The following ACIN1 variants were observed in gnomAD, a reference collection of about 807,000 sequenced individuals.
The protein encoded by ACIN1 is apoptotic chromatin condensation inducer 1, also known as apoptotic chromatin condensation inducer in the nucleus.
Under a neutral mutation model 146.6 loss-of-function variants are expected in ACIN1, and 16 were observed. That is an observed-to-expected ratio of 0.11 (90% CI 0.07 to 0.17). The LOEUF (loss-of-function observed/expected upper bound fraction) is 0.17. ACIN1 is among the 10% of genes least tolerant of loss of function. The pLI, the probability that ACIN1 is intolerant of heterozygous loss-of-function variation, is 1.00. For synonymous variants in ACIN1, 569 were observed against 582.7 expected, an observed-to-expected ratio of 0.98 and a Z score of 0.34; for missense variants, 1,357 against 1,609.3, an observed-to-expected ratio of 0.84 and a Z score of 2.68.
At chr14:23,064,279 C>T (rs1306744268) in intron 11 of ACIN1, 22 bp from the exon 12 acceptor site, 1 of 1,614,002 alleles carries the variant, frequency 6.2e-7, no homozygotes, top group Non-Finnish European at 8.5e-7. Flanking sequence ...ATACCCCCCA[C>T]CCCGTTACAC....
chr14:23,060,904 T>C (rs1192735170), intron 18 of ACIN1, among the ~76,000 whole-genome samples, 180 bp downstream of exon 18: 2 of 152,256 alleles, frequency 1.3e-5, no homozygotes, highest in Admixed American at 6.5e-5. Context: ...TTTACCCTCC[T>C]GAGTCTGGTT....
intron 9 of ACIN1, 170 bp downstream of exon 9, chr14:23,069,306 T>A: frequency 7.6e-7 from 1 of 1,312,730 alleles, no homozygotes; most frequent in South Asian, 2.3e-5. Context: ...TCACAAGGGG[T>A]CTCCCTTGCT....
At chr14:23,063,132 C>T in intron 13 of ACIN1, 58 bp from the exon 14 acceptor site, 1 of 1,514,516 alleles carries the variant, frequency 6.6e-7, no homozygotes, top group Non-Finnish European at 8.9e-7. Context: ...CTCTTTTCAC[C>T]CTCAATGTAA....
At chr14:23,072,275 TAG>T (rs1214291598) in intron 8 of ACIN1, among the ~76,000 whole-genome samples, 3 of 152,150 alleles carry the variant, frequency 2.0e-5, no homozygotes, top group African/African-American at 4.8e-5. Context: ...CTTTGTTTTA[TAG>T]AGTCTTTAAT....
intron 4 of ACIN1, among the ~76,000 whole-genome samples, chr14:23,083,609 G>A (rs1450650992): frequency 6.6e-6 from 1 of 152,130 alleles, no homozygotes; most frequent in Non-Finnish European, 1.5e-5. Flanking sequence ...GCAGGTGCCT[G>A]TAGTCCCAGC....
rs773612460 is a variant in ACIN1, at chr14:23,079,985, T to C, written c.1350A>G (p.Thr450=). The change falls in exon 6 of 19, where the codon ACA becomes ACG. Residue 450 remains threonine (T), a synonymous_variant. Transcript: ENST00000605057. ...ESVLPLVQKS[T]LADYSAQKDL... is the part of the protein sequence containing the mutation. ...CCTTCTGGGCTGAGTAGTCAGCCAGTGTGCTTTTCTGAACCAGAGGCAGGA... is the reference window on the plus strand; with the variant it reads ...CCTTCTGGGCTGAGTAGTCAGCCAGCGTGCTTTTCTGAACCAGAGGCAGGA... 6 of 1,613,964 alleles carry C rather than the reference T, an allele frequency of 3.7e-6. No individual in the cohort carries two copies. The African/African-American group carries it at 8.0e-5, about 22-fold the overall frequency.
In ACIN1 at chr14:23,076,861, G is replaced by A. The variant is rs559010853; in HGVS notation, c.2123+1290C>T. 8.9e-4 allele frequency among the ~76,000 whole-genome samples: 136 copies of A among 152,250 alleles called. 1 individual carries two copies. The highest frequency in any genetic ancestry group is 3.4e-3 in the Middle Eastern group (1 of 294). Reference sequence around the variant, plus strand: ...CATTTCCTCATCGATGATGTAGCTGGGGAATCCTGAATACCTTCCAGAATC... The same window carrying A: ...CATTTCCTCATCGATGATGTAGCTGAGGAATCCTGAATACCTTCCAGAATC... On this transcript the variant is annotated intron_variant, in intron 8 of 18. Coordinates refer to ENST00000605057, the MANE Select transcript of ACIN1 (RefSeq NM_001386863.1).
intron 12 of ACIN1, 49 bp downstream of exon 12, chr14:23,064,056 C>T (rs2140015552): frequency 6.2e-7 from 1 of 1,608,244 alleles, no homozygotes; most frequent in South Asian, 1.1e-5. Flanking sequence ...AGCTGCTCTG[C>T]ATCTACTGCT....
Position 23,061,171 on chromosome 14 carries a change from C to T in ACIN1, c.3438G>A (p.Glu1146=). The change falls in exon 18 of 19, where the codon GAG becomes GAA. Residue 1146 remains glutamate (E), a synonymous_variant. Coordinates refer to ENST00000605057, the MANE Select transcript of ACIN1 (RefSeq NM_001386863.1). ...KKSEKKEKAQ[E]EPPAKLLDDL... ...CATCCAGCAGCTTGGCAGGTGGTTC[C>T]TCCTGGGCTTTCTCTGAGGTGGAAA... 3.7e-6 allele frequency: 6 copies of T among 1,614,128 alleles called. No individual in the cohort carries two copies. Among genetic ancestry groups the T allele is most frequent in the Non-Finnish European group, 5.1e-6 (6 of 1,180,034 alleles).
rs185692191 is a variant in ACIN1 at position 23,060,970 on chromosome 14, C to G, written c.3525+114G>C. 2.9e-5 allele frequency: 29 copies of G among 995,576 alleles called. No individual in the cohort carries two copies. The African/African-American group carries it at 4.2e-4, about 14-fold the overall frequency. The allele number at this position is 995,576 out of a possible 1,614,324, so 61.7% of individuals were successfully genotyped here. Reference sequence around the variant, plus strand: ...GCCTTTTTGTGATGCTTAGTTTATCCTAAACCTAGGAAGTACTTGGGCCGA... The same window carrying G: ...GCCTTTTTGTGATGCTTAGTTTATCGTAAACCTAGGAAGTACTTGGGCCGA... On this transcript the variant is annotated intron_variant, in intron 18 of 18. Transcript: ENST00000605057.
chr14:23,058,824 G>A lies in ACIN1; in HGVS notation c.*324C>T, dbSNP rs746154890. On this transcript the variant is annotated 3_prime_UTR_variant, in exon 19 of 19. Coordinates refer to ENST00000605057, the MANE Select transcript of ACIN1 (RefSeq NM_001386863.1). ...GAAGGCTGTAAGTACCCAGGGAGGT[G>A]GTAAGCAGGATGGAGGAAAAATCAG... The A allele has an allele frequency of 5.6e-4, 212 of 378,858 alleles. No homozygotes were observed. Among genetic ancestry groups the A allele is most frequent in the Admixed American group, 1.1e-3 (27 of 25,456 alleles). 23.5% of individuals were successfully genotyped at this position (378,858 alleles called of 1,614,324 possible).
At chr14:23,084,861 G>A (rs990966143) in intron 4 of ACIN1, among the ~76,000 whole-genome samples, 13 of 152,170 alleles carry the variant, frequency 8.5e-5, no homozygotes, top group African/African-American at 2.9e-4. Flanking sequence ...CAGTAGTGCA[G>A]TGAAATGAAA....
intron 12 of ACIN1, 97 bp downstream of exon 12, chr14:23,064,008 G>T: frequency 2.6e-6 from 4 of 1,524,088 alleles, no homozygotes; most frequent in Non-Finnish European, 3.6e-6. Context: ...CACAGACAGG[G>T]AAGTTCCCTC....
Position 23,061,439 on chromosome 14 carries a change from T to TTTCCCG in ACIN1, c.3277_3282dup (p.Arg1093_Glu1094dup). Reference sequence around the variant, plus strand: ...GATCGAGTCCGCTCCCGCCGCTCCATTTCCCGTTCCCGTTCTGCCCACTGT... The same window carrying TTTCCCG: ...GATCGAGTCCGCTCCCGCCGCTCCATTTCCCGTTCCCGTTCCCGTTCTGCCCACTGT... On this transcript the variant is annotated inframe_insertion, in exon 17 of 19. Transcript: ENST00000605057. 2 of 1,613,844 alleles carry TTTCCCG rather than the reference T, an allele frequency of 1.2e-6. No individual in the cohort carries two copies. Among genetic ancestry groups the TTTCCCG allele is most frequent in the Non-Finnish European group, 1.7e-6 (2 of 1,179,944 alleles).
At chr14:23,072,727 T>C (rs574647680) in intron 8 of ACIN1, among the ~76,000 whole-genome samples, 4 of 152,370 alleles carry the variant, frequency 2.6e-5, no homozygotes, top group African/African-American at 9.6e-5. Flanking sequence ...TCCCCGCTGC[T>C]TAAAATCTTA....
At chr14:23,061,252 T>C in intron 17 of ACIN1, 46 bp downstream of exon 17, 1 of 1,613,836 alleles carries the variant, frequency 6.2e-7, no homozygotes, top group Non-Finnish European at 8.5e-7. Context: ...CTGGGTCCCT[T>C]TCCCACCTAC....
chr14:23,094,228 T>C (rs983632906), intron 1 of ACIN1, among the ~76,000 whole-genome samples: 4 of 152,134 alleles, frequency 2.6e-5, no homozygotes, highest in African/African-American at 9.7e-5. Context: ...ACGTATCCTG[T>C]TGAACTCTAA....
At chr14:23,062,704 G>A (rs948523185) in intron 14 of ACIN1, 181 bp from the exon 15 acceptor site, 19 of 746,356 alleles carry the variant, frequency 2.5e-5, no homozygotes, top group East Asian at 1.1e-4. Flanking sequence ...TAATTGAGAC[G>A]TTGTATGTGA....
At chr14:23,065,851 G>T in intron 10 of ACIN1, 115 bp downstream of exon 10, 1 of 916,680 alleles carries the variant, frequency 1.1e-6, no homozygotes, top group Non-Finnish European at 1.8e-6. Context: ...GGCACAAGGG[G>T]TGGGGCAGGA....
Sources: allele counts gnomAD v4.1 joint callset (sites outside exome capture counted in the v4.1 genomes callset), GRCh38; gene constraint gnomAD v4.1.1; transcripts MANE v1.5; gene names NCBI Gene and HGNC (gene_info 2026-07-23, HGNC 2026-07-21).